Variants in GPR179 observed in about 807,000 individuals in gnomAD.
GPR179 encodes the protein G protein-coupled receptor 179, also known as probable G protein-coupled receptor 179.
Under a neutral mutation model 70.8 loss-of-function variants are expected in GPR179, and 52 were observed. That is an observed-to-expected ratio of 0.73 (90% CI 0.59 to 0.93). The LOEUF is 0.93. Among genes scored for constraint, GPR179 ranks in the 40% least tolerant of loss-of-function variants. GPR179 has a pLI of 0.00. For missense variants in GPR179, 2,734 were observed against 2,966.8 expected (o/e 0.92, Z 1.82); for synonymous variants, 1,123 against 1,169.0 (o/e 0.96, Z 0.80).
Position 38,331,509 on chromosome 17 carries a change from G to T in GPR179, c.2060C>A (p.Ala687Asp). The change falls in exon 11 of 11, where the codon GCC becomes GAC. Residue 687 changes from alanine to aspartate, a missense_variant. Coordinates refer to ENST00000616987, the MANE Select transcript of GPR179 (RefSeq NM_001004334.4). ...CTTGGTTTTGTGGACCTCTAGCTGG[G>T]CATAGAGCTTCTTCAGCTCGTCCTG... ...DIRDELKKLY[A>D]QLEVHKTKEM... The T allele has an allele frequency of 6.2e-7, 1 of 1,609,858 alleles. No individual in the cohort carries two copies.
intron 2 of GPR179, among the ~76,000 whole-genome samples, chr17:38,338,230 A>G (rs938022981): frequency 6.6e-6 from 1 of 152,190 alleles, no homozygotes; most frequent in Non-Finnish European, 1.5e-5. Context: ...TCCCAGCCTT[A>G]ATGCCAGGCT....
chr17:38,341,074 A>G (rs563959103), intron 1 of GPR179, among the ~76,000 whole-genome samples: 1 of 152,308 alleles, frequency 6.6e-6, no homozygotes, highest in South Asian at 2.1e-4. Flanking sequence ...CAGGCACTAG[A>G]TCTGGGGACA....
At chr17:38,332,167 A>T (rs1266868176) in intron 10 of GPR179, among the ~76,000 whole-genome samples, 2 of 152,108 alleles carry the variant, frequency 1.3e-5, no homozygotes, top group Non-Finnish European at 2.9e-5. Flanking sequence ...GTGAGGACAC[A>T]AGGGGGAAAC....
rs1370318294 is a variant in GPR179, at chr17:38,335,720, A to G, written c.1297-20T>C. ...GAAGACCTGGTGGGAAGGGGCAAAA[A>G]TCTCTGCTCTCTACTATGCTTCTGC... is the stretch of plus-strand genomic sequence containing the variant. On this transcript the variant is annotated intron_variant, in intron 5 of 10. Coordinates refer to ENST00000616987, the MANE Select transcript of GPR179 (RefSeq NM_001004334.4). 1.3e-6 allele frequency: 2 copies of G among 1,506,778 alleles called. No individual in the cohort carries two copies. Among genetic ancestry groups the G allele is most frequent in the Non-Finnish European group, 1.8e-6 (2 of 1,082,496 alleles). The allele number at this position is 1,506,778 out of a possible 1,614,324, so 93.3% of individuals were successfully genotyped here.
At chr17:38,331,656 T>G in intron 10 of GPR179, 125 bp from the exon 11 acceptor site, 417 of 1,435,214 alleles carry the variant, frequency 2.9e-4, no homozygotes, top group Non-Finnish European at 3.4e-4. Context: ...GCTGTATCTC[T>G]TCCCTGCTTC....
rs2037387793 is a variant in GPR179, at chr17:38,334,738, C to G, written c.1750G>C (p.Glu584Gln). ...PRYMGIALHN[E>Q]LLLSAAFHTA... is the part of the protein sequence containing the mutation. Reference sequence around the variant, plus strand: ...TGGAAGGCAGCGGAAAGCAGTAGCTCATTGTGCAGGGCGATGCCCATGTAG... The same window carrying G: ...TGGAAGGCAGCGGAAAGCAGTAGCTGATTGTGCAGGGCGATGCCCATGTAG... Residue 584 changes from glutamate (E) to glutamine (Q), a missense_variant, in exon 8 of 11, where the codon GAG (glutamate) becomes CAG (glutamine). Coordinates refer to ENST00000616987, the MANE Select transcript of GPR179 (RefSeq NM_001004334.4). This position sits in a 1 kb window ranked among gnomAD's most constrained non-coding sequence, Gnocchi z 4.7. 1 of 1,613,768 alleles carries G rather than the reference C, an allele frequency of 6.2e-7. No individual in the cohort carries two copies. Among genetic ancestry groups the G allele is most frequent in the Admixed American group, 1.7e-5 (1 of 59,998 alleles).
intron 10 of GPR179, among the ~76,000 whole-genome samples, chr17:38,332,364 G>T (rs918084269): frequency 1.3e-5 from 2 of 152,154 alleles, no homozygotes; most frequent in African/African-American, 2.4e-5. Flanking sequence ...AGCTCTCCTT[G>T]TATCTTACCC....
At chr17:38,337,575 C>A (rs1297347674) in intron 3 of GPR179, 58 bp downstream of exon 3, 5 of 1,443,642 alleles carry the variant, frequency 3.5e-6, no homozygotes, top group Non-Finnish European at 4.8e-6. Context: ...CCCAGATGTA[C>A]CCTCCCAACC....
chr17:38,329,506 C>A lies in GPR179; in HGVS notation c.4063G>T (p.Ala1355Ser). ...CACCCAGGCTTCTCCACCTTCCTGG[C>A]CTCCACACTGTCCCCCGCCTCAGAT... ...DKSEAGDSVE[A>S]RKVEKPGWEA... Residue 1355 changes from alanine to serine, a missense_variant, in exon 11 of 11, where the codon GCC becomes TCC. Physicochemically the swap from Ala to Ser is moderately conservative, Grantham distance 99. Coordinates refer to ENST00000616987, the MANE Select transcript of GPR179 (RefSeq NM_001004334.4). The A allele has an allele frequency of 6.2e-7, 1 of 1,614,062 alleles. No individual in the cohort carries two copies. Among genetic ancestry groups the A allele is most frequent in the African/African-American group, 1.3e-5 (1 of 75,006 alleles).
Position 38,326,466 on chromosome 17 carries a change from T to C in GPR179, c.7103A>G (p.Ter2368=), listed in dbSNP as rs2037286129. Residue 2368 remains the stop codon, a stop_retained_variant, in exon 11 of 11, where the codon TAA becomes TGA. Transcript: ENST00000616987. ...PPTVYPWDWE[*] is the part of the protein sequence containing the mutation. ...GTTTGACCTCACCTAATAAGGCTGT[T>C]ACTCCCAATCCCAAGGATAGACAGT... 1.3e-6 allele frequency: 2 copies of C among 1,597,376 alleles called. No homozygotes were observed. The highest frequency in any genetic ancestry group is 1.7e-6 in the Non-Finnish European group (2 of 1,169,194).
At chr17:38,337,819 A>C in intron 2 of GPR179, 99 bp from the exon 3 acceptor site, 1 of 1,008,754 alleles carries the variant, frequency 9.9e-7, no homozygotes, top group Non-Finnish European at 1.5e-6. Context: ...CTCCCTATCC[A>C]TGGGACTTGG....
Position 38,331,506 on chromosome 17 carries a change from T to C in GPR179, c.2063A>G (p.Gln688Arg), listed in dbSNP as rs113259531. ...TTCCTTGGTTTTGTGGACCTCTAGC[T>C]GGGCATAGAGCTTCTTCAGCTCGTC... ...IRDELKKLYA[Q>R]LEVHKTKEMA... is the part of the protein sequence containing the mutation. Residue 688 changes from glutamine (Q) to arginine (R), a missense_variant, in exon 11 of 11, where the codon CAG (glutamine) becomes CGG (arginine). Transcript: ENST00000616987. 5.9e-5 allele frequency: 95 copies of C among 1,612,424 alleles called. 1 individual carries two copies. In the African/African-American group the frequency reaches 8.7e-4, roughly 15 times the overall value.
chr17:38,331,826 T>G (rs1484176688), intron 10 of GPR179, among the ~76,000 whole-genome samples: 1 of 152,166 alleles, frequency 6.6e-6, no homozygotes, highest in Non-Finnish European at 1.5e-5. Context: ...ATATGCTGTG[T>G]CCCTGGAGGC....
intron 5 of GPR179, among the ~76,000 whole-genome samples, 182 bp downstream of exon 5, chr17:38,335,894 C>T (rs1567726121): frequency 6.6e-6 from 1 of 152,206 alleles, no homozygotes; most frequent in East Asian, 1.9e-4. Flanking sequence ...CACAGAGCTC[C>T]TAATAAGCCT....
Position 38,334,862 on chromosome 17 carries a change from G to T in GPR179, c.1646-20C>A. 6.2e-7 allele frequency: 1 copy of T among 1,609,176 alleles called. No individual in the cohort carries two copies. On this transcript the variant is annotated intron_variant, in intron 7 of 10. Coordinates refer to ENST00000616987, the MANE Select transcript of GPR179 (RefSeq NM_001004334.4). The surrounding 1 kb of genome is among the most constrained non-coding windows in gnomAD (Gnocchi z 4.7). ...GCTCAGCTGTGGGGAGACAGGGAGG[G>T]AGAGAGCCGGCACCACCTCAGCAGC...
chr17:38,330,663 G>T lies in GPR179; in HGVS notation c.2906C>A (p.Ala969Asp). 1 of 1,601,488 alleles carries T rather than the reference G, an allele frequency of 6.2e-7. No individual in the cohort carries two copies. The change falls in exon 11 of 11, where the codon GCT becomes GAT. Residue 969 changes from alanine (A) to aspartate (D), a missense_variant. Ala to Asp is a moderately radical substitution (Grantham distance 126). Transcript: ENST00000616987. Reference protein sequence around the residue: ...TLAPALLPALAPTPAPALAPV... With the variant: ...TLAPALLPALDPTPAPALAPV... The stretch of plus-strand genomic sequence containing the variant: ...TGCCAGGGCAGGGGCTGGGGTTGGA[G>T]CTAGAGCTGGCAGCAGAGCTGGAGC...
chr17:38,335,844 CAAAG>C, intron 5 of GPR179, 144 bp from the exon 6 acceptor site: 1 of 679,242 alleles, frequency 1.5e-6, no homozygotes, highest in Non-Finnish European at 2.6e-6. Flanking sequence ...GCTGAAGTGT[CAAAG>C]AAGTTAGGTA....
chr17:38,325,668 C>T lies in GPR179; in HGVS notation c.*797G>A, dbSNP rs1187196814. ...CCCTAAAAAACTAGCAAGAGGCACA[C>T]AAGGATGTCTGGAAGGAAGAGCTCC... On this transcript the variant is annotated 3_prime_UTR_variant, in exon 11 of 11. Coordinates refer to ENST00000616987, the MANE Select transcript of GPR179 (RefSeq NM_001004334.4). The T allele has an allele frequency of 6.6e-6, 1 of 152,318 alleles. No homozygotes were observed. The highest frequency in any genetic ancestry group is 1.5e-5 in the Non-Finnish European group (1 of 68,106). The allele number at this position is 152,318 out of a possible 1,614,324, so 9.4% of individuals were successfully genotyped here. A position where few individuals can be genotyped will look rare whatever the true frequency, so the allele number is the denominator to read the frequency against.
chr17:38,337,724 T>G lies in GPR179; in HGVS notation c.904-4A>C, dbSNP rs2037418594. 1 of 1,611,738 alleles carries G rather than the reference T, an allele frequency of 6.2e-7. No individual in the cohort carries two copies. The highest frequency in any genetic ancestry group is 1.3e-5 in the African/African-American group (1 of 74,820). On this transcript the variant is annotated splice_region_variant and splice_polypyrimidine_tract_variant and intron_variant, in intron 2 of 10. Coordinates refer to ENST00000616987, the MANE Select transcript of GPR179 (RefSeq NM_001004334.4). ...CCTGACTCTCCAGGGGGACACACTA[T>G]GGGGACAACAAACACAGTATGTGTT... is the stretch of plus-strand genomic sequence containing the variant.
Sources: allele counts gnomAD v4.1 joint callset (sites outside exome capture counted in the v4.1 genomes callset), GRCh38; gene constraint gnomAD v4.1.1; non-coding constraint Gnocchi (gnomAD v3.1); transcripts MANE v1.5; gene names NCBI Gene and HGNC (gene_info 2026-07-23, HGNC 2026-07-21).